Variants in MAP7D2 observed in about 807,000 individuals in gnomAD.
MAP7D2 encodes MAP7 domain containing 2, also known as MAP7 domain-containing protein 2.
In MAP7D2, 33 loss-of-function variants were observed where a neutral mutation model predicts 63.5. The ratio of observed to expected loss-of-function variants is 0.52; its 90% confidence interval spans 0.39 to 0.70. The LOEUF is 0.70. Among genes scored for constraint, MAP7D2 ranks in the 30% least tolerant of loss-of-function variants. MAP7D2 has a pLI of 0.00. For synonymous variants in MAP7D2, 224 were observed against 223.7 expected, an observed-to-expected ratio of 1.00 and a Z score of -0.01; for missense variants, 626 against 604.0, an observed-to-expected ratio of 1.04 and a Z score of -0.38.
At position 20,064,778 on chromosome X, in the gene MAP7D2, T is replaced by C; in HGVS notation, c.158A>G (p.Glu53Gly). Residue 53 changes from glutamate (E) to glycine (G), a missense_variant, in exon 2 of 17, where the codon GAG becomes GGG. Coordinates refer to ENST00000379643, the MANE Select transcript of MAP7D2 (RefSeq NM_001168465.2). The stretch of plus-strand genomic sequence containing the variant: ...TCTTTCTTTGGCCAATCTCTGCCTC[T>C]CATCTGATTTCAAAAATCCCTCCAT... Reference protein sequence around the residue: ...QGMEGFLKSDERQRLAKERRE... With the variant: ...QGMEGFLKSDGRQRLAKERRE... 8.3e-7 allele frequency: 1 copy of C among 1,210,378 alleles called. No individual in the cohort carries two copies. The highest frequency in any genetic ancestry group is 1.1e-6 in the Non-Finnish European group (1 of 894,158).
chrX:20,069,312 T>C (rs1295901761), intron 1 of MAP7D2, among the ~76,000 whole-genome samples: 1 of 110,936 alleles, frequency 9.0e-6, no homozygotes, highest in East Asian at 2.8e-4. Context: ...GCTTAAGTGA[T>C]CCTCCCACCT....
intron 1 of MAP7D2, among the ~76,000 whole-genome samples, chrX:20,114,999 C>T (rs1267393396): frequency 2.7e-5 from 3 of 111,914 alleles, no homozygotes; most frequent in Non-Finnish European, 5.6e-5. Flanking sequence ...TCACCTGGCA[C>T]CTAAATTAAA....
chrX:20,014,305 C>T (rs1481868400), intron 12 of MAP7D2, among the ~76,000 whole-genome samples: 4 of 112,420 alleles, frequency 3.6e-5, no homozygotes, highest in South Asian at 3.6e-4. Flanking sequence ...CAGTGGCTCA[C>T]GTCTATAATC....
chrX:20,064,780 A>G lies in MAP7D2; in HGVS notation c.156T>C (p.Asp52=), dbSNP rs751586687. The change falls in exon 2 of 17, where the codon GAT becomes GAC. Residue 52 remains aspartate, a synonymous_variant. Coordinates refer to ENST00000379643, the MANE Select transcript of MAP7D2 (RefSeq NM_001168465.2). ...TTTCTTTGGCCAATCTCTGCCTCTC[A>G]TCTGATTTCAAAAATCCCTCCATGC... The part of the protein sequence containing the change: ...PQGMEGFLKS[D]ERQRLAKERR... The G allele has an allele frequency of 2.7e-5, 33 of 1,208,345 alleles. No homozygotes were observed. The East Asian group carries it at 9.5e-4, about 35-fold the overall frequency.
chrX:20,028,098 T>C (rs1426040919), intron 8 of MAP7D2, among the ~76,000 whole-genome samples: 1 of 112,055 alleles, frequency 8.9e-6, no homozygotes. Context: ...ACTAGGCTGC[T>C]AAATGTCTAC....
chrX:20,111,425 C>T (rs1384275861), intron 1 of MAP7D2, among the ~76,000 whole-genome samples: 2 of 111,920 alleles, frequency 1.8e-5, no homozygotes, highest in East Asian at 2.8e-4. Context: ...GGTAAAAGCG[C>T]GTCTTAGACC....
At chrX:20,027,757 G>GGAGGGA (rs1556533298) in intron 8 of MAP7D2, among the ~76,000 whole-genome samples, 1 of 76,252 alleles carries the variant, frequency 1.3e-5, no homozygotes, top group African/African-American at 5.5e-5. Context: ...GAAGGCGGGG[G>GGAGGGA]GAGAGAGAGA....
intron 4 of MAP7D2, 82 bp downstream of exon 4, chrX:20,056,598 C>T: frequency 1.3e-6 from 1 of 783,371 alleles, no homozygotes; most frequent in Non-Finnish European, 1.9e-6. Flanking sequence ...ATCCTGGAGA[C>T]ACCCAGTGGT....
At chrX:20,095,623 C>A (rs1421946764) in intron 1 of MAP7D2, among the ~76,000 whole-genome samples, 2 of 110,900 alleles carry the variant, frequency 1.8e-5, no homozygotes, top group Non-Finnish European at 3.8e-5. Context: ...GGTATATATC[C>A]AAAAGAATTG....
At chrX:20,060,011 A>G (rs1043592994) in intron 3 of MAP7D2, among the ~76,000 whole-genome samples, 2 of 109,107 alleles carry the variant, frequency 1.8e-5, no homozygotes, top group East Asian at 2.9e-4. Flanking sequence ...TTCAACTGCC[A>G]TTATATGTGT....
At position 20,039,046 on chromosome X, in the gene MAP7D2, G is replaced by A. The variant is rs569062161; in HGVS notation, c.1007+3456C>T. Among the ~76,000 whole-genome samples the A allele has an allele frequency of 3.6e-4, 40 of 112,546 alleles. No individual in the cohort carries two copies. The East Asian group carries it at 0.011, about 30-fold the overall frequency. On this transcript the variant is annotated intron_variant, in intron 8 of 16. Transcript: ENST00000379643. ...ACCAGGTAAAAGACAACGACCTGCTGAGGTGTTTGCTGAAGGCAAAGAGAA... is the reference window on the plus strand; with the variant it reads ...ACCAGGTAAAAGACAACGACCTGCTAAGGTGTTTGCTGAAGGCAAAGAGAA...
intron 1 of MAP7D2, among the ~76,000 whole-genome samples, chrX:20,079,246 G>A (rs953271127): frequency 5.4e-5 from 6 of 111,321 alleles, no homozygotes; most frequent in African/African-American, 2.0e-4. Context: ...GGGCCAGCAT[G>A]GGAACTGAAG....
At chrX:20,033,770 C>T (rs983388144) in intron 8 of MAP7D2, among the ~76,000 whole-genome samples, 1 of 111,926 alleles carries the variant, frequency 8.9e-6, no homozygotes, top group Non-Finnish European at 1.9e-5. Flanking sequence ...TTTTAAAAAT[C>T]ACACACTTGG....
At chrX:20,100,946 G>A (rs751581187) in intron 1 of MAP7D2, among the ~76,000 whole-genome samples, 7 of 108,789 alleles carry the variant, frequency 6.4e-5, no homozygotes, top group African/African-American at 1.7e-4. Context: ...GCTTGATCCC[G>A]GGAGGCGGAG....
intron 3 of MAP7D2, among the ~76,000 whole-genome samples, chrX:20,062,882 AAT>A (rs757930096): frequency 3.2e-4 from 36 of 111,761 alleles, no homozygotes; most frequent in Non-Finnish European, 5.3e-4. Flanking sequence ...AGGGTAGACT[AAT>A]TTGCCAGTAG....
chrX:20,067,500 C>T (rs772662967), intron 1 of MAP7D2, among the ~76,000 whole-genome samples: 20 of 111,661 alleles, frequency 1.8e-4, no homozygotes, highest in African/African-American at 5.9e-4. Context: ...GGACAAAGTG[C>T]ACTGCTCAGA....
intron 7 of MAP7D2, 82 bp from the exon 8 acceptor site, chrX:20,042,711 T>C: frequency 1.8e-6 from 2 of 1,089,082 alleles, no homozygotes; most frequent in Non-Finnish European, 2.5e-6. Context: ...GATGGAACAA[T>C]GCACAGCTTT....
At chrX:20,026,003 G>A (rs2073830998) in intron 8 of MAP7D2, 51 bp from the exon 9 acceptor site, 1 of 1,156,222 alleles carries the variant, frequency 8.6e-7, no homozygotes, top group Admixed American at 2.3e-5. Flanking sequence ...TGAACACAGA[G>A]CTCTCTGTTC....
chrX:20,087,438 T>C (rs1388186736), intron 1 of MAP7D2, among the ~76,000 whole-genome samples: 1 of 111,586 alleles, frequency 9.0e-6, no homozygotes, highest in Non-Finnish European at 1.9e-5. Flanking sequence ...TAACTCCCCT[T>C]CCCCTTCCAC....
Sources: allele counts gnomAD v4.1 joint callset (sites outside exome capture counted in the v4.1 genomes callset), GRCh38; gene constraint gnomAD v4.1.1; transcripts MANE v1.5; gene names NCBI Gene and HGNC (gene_info 2026-07-23, HGNC 2026-07-21).